ADGRG4: variants seen among roughly 807,000 people sequenced by gnomAD.
ADGRG4 encodes adhesion G protein-coupled receptor G4, also known as G protein-coupled receptor 112.
Under a neutral mutation model 126.2 loss-of-function variants are expected in ADGRG4, and 122 were observed. That is an observed-to-expected ratio of 0.97 (90% CI 0.83 to 1.12). The LOEUF is 1.12. Ranked by LOEUF, ADGRG4 falls within the 50% of genes most tolerant of loss-of-function variation. The pLI is 0.00. For synonymous variants in ADGRG4, 943 were observed against 838.7 expected (o/e 1.12, Z -2.15); for missense variants, 2,481 against 2,251.8 (o/e 1.10, Z -2.06).
rs2074997608 is a variant in ADGRG4, at chrX:136,344,384, T to C, written c.686-8T>C. 1 of 1,118,565 alleles carries C rather than the reference T, an allele frequency of 8.9e-7. No individual in the cohort carries two copies. Among genetic ancestry groups the C allele is most frequent in the Non-Finnish European group, 1.2e-6 (1 of 839,579 alleles). 92.2% of individuals were successfully genotyped at this position (1,118,565 alleles called of 1,213,427 possible). A position where few individuals can be genotyped will look rare whatever the true frequency, so the allele number is the denominator to read the frequency against. On this transcript the variant is annotated splice_polypyrimidine_tract_variant and splice_region_variant and intron_variant, in intron 5 of 25. Transcript: ENST00000394143. ...TCCAAAATAACACATTCTTTCTGAT[T>C]TTTTTAGTTGTTCCTGAAAATATGA...
chrX:136,375,170 T>C (rs1273395229), intron 15 of ADGRG4, among the ~76,000 whole-genome samples: 1 of 111,772 alleles, frequency 8.9e-6, no homozygotes, highest in Non-Finnish European at 1.9e-5. Context: ...TCACTTAGAA[T>C]AACAGCCTCT....
intron 4 of ADGRG4, among the ~76,000 whole-genome samples, chrX:136,309,494 G>A (rs1386438966): frequency 8.9e-6 from 1 of 112,458 alleles, no homozygotes. Flanking sequence ...AGTAAATTCA[G>A]TTTGTAGCAT....
intron 4 of ADGRG4, among the ~76,000 whole-genome samples, chrX:136,321,383 C>T (rs913386957): frequency 1.8e-5 from 2 of 111,178 alleles, no homozygotes; most frequent in African/African-American, 6.6e-5. Context: ...GGAAAATGTC[C>T]ACTAGAGGAA....
At chrX:136,305,936 C>G (rs2074730544) in intron 3 of ADGRG4, 1 of 111,599 alleles carries the variant, frequency 9.0e-6, no homozygotes, top group Non-Finnish European at 1.9e-5. Flanking sequence ...GAGAGCAGCC[C>G]CATGACGTGC....
At chrX:136,327,903 G>T (rs1395519565) in intron 5 of ADGRG4, among the ~76,000 whole-genome samples, 2 of 110,556 alleles carry the variant, frequency 1.8e-5, no homozygotes, top group Non-Finnish European at 3.8e-5. Context: ...TATGGTAAAA[G>T]ATTTAAAAAT....
chrX:136,345,874 G>C lies in ADGRG4; in HGVS notation c.2168G>C (p.Arg723Thr). 8.3e-7 allele frequency: 1 copy of C among 1,209,880 alleles called. No individual in the cohort carries two copies. The highest frequency in any genetic ancestry group is 3.0e-5 in the East Asian group (1 of 33,831). Residue 723 changes from arginine to threonine, a missense_variant, in exon 6 of 26, where the codon AGA (arginine) becomes ACA (threonine). Transcript: ENST00000394143. Reference sequence around the variant, plus strand: ...ACTGCCAATGATGCTACTACAGCCAGATATACAACAGCTGTATCCAAATTG... The same window carrying C: ...ACTGCCAATGATGCTACTACAGCCACATATACAACAGCTGTATCCAAATTG... Reference protein sequence around the residue: ...GTTANDATTARYTTAVSKLTS... With the variant: ...GTTANDATTATYTTAVSKLTS...
intron 10 of ADGRG4, among the ~76,000 whole-genome samples, chrX:136,358,800 G>T: frequency 8.9e-6 from 1 of 112,157 alleles, no homozygotes; most frequent in Non-Finnish European, 1.9e-5. Flanking sequence ...ACAAATGTTA[G>T]CTACTATCAT....
At chrX:136,362,202 C>A (rs2075132796) in intron 12 of ADGRG4, among the ~76,000 whole-genome samples, 1 of 111,345 alleles carries the variant, frequency 9.0e-6, no homozygotes, top group African/African-American at 3.3e-5. Context: ...ACCAGAGGGG[C>A]AGCAGGTTTT....
At chrX:136,357,295 G>A (rs920823446) in intron 9 of ADGRG4, among the ~76,000 whole-genome samples, 8 of 111,624 alleles carry the variant, frequency 7.2e-5, no homozygotes, top group Non-Finnish European at 1.9e-5. Context: ...CTGTTGGAAG[G>A]ATAAAATGAG....
rs1360161 is a variant in ADGRG4, at chrX:136,392,459, A to G, written c.8034+105A>G. ...TTAACAGATGTGATTCTAACACTTA[A>G]TGAGGAATGTCCTATTCCAGGTAGC... is the stretch of plus-strand genomic sequence containing the variant. On this transcript the variant is annotated intron_variant, in intron 17 of 25. Transcript: ENST00000394143. 4.9e-3 allele frequency: 3,335 copies of G among 683,311 alleles called. 68 individuals carry two copies. In the African/African-American group the frequency reaches 0.061, roughly 13 times the overall value. 56.3% of individuals were successfully genotyped at this position (683,311 alleles called of 1,213,427 possible).
chrX:136,402,370 C>T (rs2075383761), intron 21 of ADGRG4, among the ~76,000 whole-genome samples: 1 of 111,193 alleles, frequency 9.0e-6, no homozygotes, highest in Admixed American at 9.5e-5. Flanking sequence ...CCCTGTCTCT[C>T]CCTTCCAGCC....
At chrX:136,328,344 G>T (rs1004544996) in intron 5 of ADGRG4, among the ~76,000 whole-genome samples, 3 of 111,851 alleles carry the variant, frequency 2.7e-5, no homozygotes, top group African/African-American at 9.7e-5. Context: ...CAACCGTAAA[G>T]AAATTATCAC....
Position 136,348,703 on chromosome X carries a change from G to A in ADGRG4, c.4997G>A (p.Gly1666Glu). 1.7e-6 allele frequency: 2 copies of A among 1,209,968 alleles called. No homozygotes were observed. Among genetic ancestry groups the A allele is most frequent in the Non-Finnish European group, 2.2e-6 (2 of 894,883 alleles). ...VKTVPTTIMA[G>E]IVTPFVGTTA... ...ACCGTTCCCACCACCATTATGGCTG[G>A]GATAGTGACTCCATTTGTAGGCACC... Residue 1666 changes from glycine (G) to glutamate (E), a missense_variant, in exon 6 of 26, where the codon GGG (glycine) becomes GAG (glutamate). Coordinates refer to ENST00000394143, the MANE Select transcript of ADGRG4 (RefSeq NM_153834.4).
chrX:136,350,532 A>T, intron 6 of ADGRG4, 99 bp downstream of exon 6: 1 of 839,281 alleles, frequency 1.2e-6, no homozygotes, highest in Admixed American at 3.0e-5. Flanking sequence ...GCAGAAAAGA[A>T]TGAAGAAGGG....
chrX:136,303,153 C>T (rs1379963348), intron 1 of ADGRG4, among the ~76,000 whole-genome samples: 1 of 112,065 alleles, frequency 8.9e-6, no homozygotes, highest in Non-Finnish European at 1.9e-5. Context: ...GATTCTATCT[C>T]TACAAAAAAT....
intron 13 of ADGRG4, among the ~76,000 whole-genome samples, chrX:136,366,768 C>T (rs1569329352): frequency 8.9e-6 from 1 of 111,945 alleles, no homozygotes; most frequent in Admixed American, 9.5e-5. Flanking sequence ...TTTTAATTTG[C>T]AATTCCTTAA....
At chrX:136,319,488 CTATT>C (rs1348990864) in intron 4 of ADGRG4, among the ~76,000 whole-genome samples, 3 of 111,751 alleles carry the variant, frequency 2.7e-5, no homozygotes, top group Non-Finnish European at 3.8e-5. Context: ...GTGATATGAG[CTATT>C]TATTTAACTT....
chrX:136,355,881 C>T (rs1233506984), intron 8 of ADGRG4, among the ~76,000 whole-genome samples: 1 of 111,672 alleles, frequency 9.0e-6, no homozygotes, highest in African/African-American at 3.3e-5. Flanking sequence ...TGCACTTTTG[C>T]TGGTACCATT....
In ADGRG4 at chrX:136,361,502, A is replaced by T. The variant is rs1277579535; in HGVS notation, c.7192A>T (p.Thr2398Ser). Residue 2398 changes from threonine to serine, a missense_variant, in exon 12 of 26, where the codon ACC becomes TCC. By Grantham distance (58) the Thr-to-Ser change is moderately conservative. Coordinates refer to ENST00000394143, the MANE Select transcript of ADGRG4 (RefSeq NM_153834.4). ...TGAAACAGCCTCTAAATACAAAGGG[A>T]CCTATAAGTGGCTATTAACCAACCC... ...ADETASKYKG[T>S]YKWLLTNPTE... The T allele has an allele frequency of 8.4e-7, 1 of 1,186,109 alleles. No individual in the cohort carries two copies. The highest frequency in any genetic ancestry group is 1.8e-5 in the African/African-American group (1 of 56,336).
Sources: allele counts gnomAD v4.1 joint callset (sites outside exome capture counted in the v4.1 genomes callset), GRCh38; gene constraint gnomAD v4.1.1; transcripts MANE v1.5; gene names NCBI Gene and HGNC (gene_info 2026-07-23, HGNC 2026-07-21).